The following NPHP4 variants were observed in gnomAD, a reference collection of about 807,000 sequenced individuals.
NPHP4 encodes the protein nephrocystin 4.
NPHP4 carries 151 observed loss-of-function variants against 155.8 expected under a neutral mutation model. That is an observed-to-expected ratio of 0.97 (90% confidence interval 0.85 to 1.11). The LOEUF (loss-of-function observed/expected upper bound fraction) is 1.11, where lower values mean the gene tolerates loss of function less well. NPHP4 is among the 50% of genes least tolerant of loss of function. The pLI, the probability that NPHP4 is intolerant of heterozygous loss-of-function variation, is 0.00. For synonymous variants in NPHP4, 845 were observed against 816.8 expected (o/e 1.03, Z -0.59); for missense variants, 1,956 against 1,925.7 (o/e 1.02, Z -0.29).
chr1:5,961,667 G>A (rs997033369), intron 6 of NPHP4, 127 bp downstream of exon 6: 18 of 809,374 alleles, frequency 2.2e-5, no homozygotes, highest in Middle Eastern at 3.5e-4. Flanking sequence ...CCGCCAGGCC[G>A]TGCTGCTGAG....
intron 18 of NPHP4, 174 bp downstream of exon 18, chr1:5,887,112 A>G: frequency 1.6e-6 from 1 of 631,684 alleles, no homozygotes; most frequent in Non-Finnish European, 2.8e-6. Flanking sequence ...AACTGGGTCC[A>G]GGACAGACTC....
In NPHP4 at chr1:5,887,668, T is replaced by C. The variant is rs1643894446; in HGVS notation, c.2305-202A>G. 3.9e-5 allele frequency among the ~76,000 whole-genome samples: 6 copies of C among 152,302 alleles called. No individual in the cohort carries two copies. The South Asian group carries it at 1.2e-3, about 32-fold the overall frequency. On this transcript the variant is annotated intron_variant, in intron 17 of 29. Coordinates refer to ENST00000378156, the MANE Select transcript of NPHP4 (RefSeq NM_015102.5). ...CAACGTCTTAAAGCAGGACTCCTTA[T>C]TACTGGGGTCTTTTTCACAAAGTCT...
Position 5,961,915 on chromosome 1 carries a change from G to A in NPHP4, c.552C>T (p.Ser184=). ...GGTGTGGCTTCAGCGTGTACTGCAGGCTGCAGTTCTCAATGAGGGTCATGT... is the reference window on the plus strand; with the variant it reads ...GGTGTGGCTTCAGCGTGTACTGCAGACTGCAGTTCTCAATGAGGGTCATGT... The part of the protein sequence containing the change: ...NRHMTLIENC[S]LQYTLKPHPA... The change falls in exon 6 of 30, where the codon AGC becomes AGT. Residue 184 remains serine (S), a synonymous_variant. Coordinates refer to ENST00000378156, the MANE Select transcript of NPHP4 (RefSeq NM_015102.5). 2 of 1,609,550 alleles carry A rather than the reference G, an allele frequency of 1.2e-6. No homozygotes were observed. The highest frequency in any genetic ancestry group is 2.2e-5 in the South Asian group (2 of 90,980).
intron 23 of NPHP4, among the ~76,000 whole-genome samples, chr1:5,870,497 C>G (rs967252594): frequency 6.6e-6 from 1 of 152,130 alleles, no homozygotes; most frequent in Non-Finnish European, 1.5e-5. Flanking sequence ...CCAACCAACT[C>G]GGGCCAGGTC....
chr1:5,939,138 G>A (rs771585489), intron 9 of NPHP4, among the ~76,000 whole-genome samples: 1 of 152,080 alleles, frequency 6.6e-6, no homozygotes, highest in South Asian at 2.1e-4. Context: ...AGTATTCTCG[G>A]GGCAAACTGG....
Position 5,907,234 on chromosome 1 carries a change from G to A in NPHP4, c.1504-12C>T, listed in dbSNP as rs753092403. The A allele has an allele frequency of 6.5e-7, 1 of 1,539,094 alleles. No individual in the cohort carries two copies. The highest frequency in any genetic ancestry group is 1.4e-5 in the African/African-American group (1 of 73,244). On this transcript the variant is annotated splice_polypyrimidine_tract_variant and intron_variant, in intron 12 of 29. Transcript: ENST00000378156. ...TGGGAAATTGACAACTGGAAGGAAA[G>A]AGAGCACAGGTGAGGGGCTCAGAAG...
chr1:5,952,973 C>A, intron 6 of NPHP4, 137 bp from the exon 7 acceptor site: 1 of 703,184 alleles, frequency 1.4e-6, no homozygotes, highest in South Asian at 2.0e-5. Flanking sequence ...AGACAGAGCA[C>A]AAGGCCCAAG....
At chr1:5,900,978 T>C (rs2101066474) in intron 16 of NPHP4, among the ~76,000 whole-genome samples, 2 of 152,096 alleles carry the variant, frequency 1.3e-5, no homozygotes, top group East Asian at 3.9e-4. Flanking sequence ...GAGGCTGCCA[T>C]GAGCCATAAT....
chr1:5,904,975 C>T (rs1045911871), intron 15 of NPHP4, among the ~76,000 whole-genome samples, 171 bp from the exon 16 acceptor site: 1 of 152,208 alleles, frequency 6.6e-6, no homozygotes, highest in Non-Finnish European at 1.5e-5. Context: ...GCAAGCCGGC[C>T]AGACAGCAGC....
At chr1:5,878,738 C>G (rs1642881421) in intron 19 of NPHP4, among the ~76,000 whole-genome samples, 2 of 152,212 alleles carry the variant, frequency 1.3e-5, no homozygotes, top group Admixed American at 1.3e-4. Flanking sequence ...GGTTCCTGCT[C>G]CCTGACAGCT....
intron 18 of NPHP4, chr1:5,880,640 T>C (rs1167140284): frequency 8.6e-6 from 2 of 231,416 alleles, no homozygotes; most frequent in East Asian, 1.1e-4. Flanking sequence ...CACGTGCAAA[T>C]GTCTGGCTCC....
At chr1:5,930,227 A>G (rs900425622) in intron 10 of NPHP4, among the ~76,000 whole-genome samples, 1 of 152,148 alleles carries the variant, frequency 6.6e-6, no homozygotes, top group Non-Finnish European at 1.5e-5. Flanking sequence ...TTTTACTGAT[A>G]TTTTCAAACA....
intron 9 of NPHP4, among the ~76,000 whole-genome samples, chr1:5,936,674 T>C (rs778663322): frequency 6.6e-6 from 1 of 152,236 alleles, no homozygotes; most frequent in Non-Finnish European, 1.5e-5. Flanking sequence ...TCAGGTTTTG[T>C]TGTGGAACAG....
intron 9 of NPHP4, 126 bp downstream of exon 9, chr1:5,946,977 AT>A (rs927630974): frequency 2.9e-6 from 3 of 1,019,986 alleles, no homozygotes; most frequent in Non-Finnish European, 4.5e-6. Context: ...CAGTAAAGTG[AT>A]TTTTACTTAT....
At chr1:5,902,009 T>A (rs769431078) in intron 16 of NPHP4, among the ~76,000 whole-genome samples, 1 of 152,148 alleles carries the variant, frequency 6.6e-6, no homozygotes, top group Non-Finnish European at 1.5e-5. Flanking sequence ...TGAAGGCCAG[T>A]GAGTTGAGAA....
intron 18 of NPHP4, 146 bp from the exon 19 acceptor site, chr1:5,880,385 G>A (rs1473325836): frequency 1.7e-5 from 13 of 765,752 alleles, no homozygotes; most frequent in Non-Finnish European, 2.5e-5. Flanking sequence ...TGTTTTGAAT[G>A]TTTTGCAATT....
At chr1:5,873,221 G>A (rs781049421) in intron 23 of NPHP4, 31 bp downstream of exon 23, 22 of 1,573,008 alleles carry the variant, frequency 1.4e-5, no homozygotes, top group East Asian at 1.1e-4. Flanking sequence ...AGGAAGCCCC[G>A]AGATCAGTTT....
chr1:5,955,280 G>A (rs931440199), intron 6 of NPHP4, among the ~76,000 whole-genome samples: 2 of 152,208 alleles, frequency 1.3e-5, no homozygotes, highest in African/African-American at 2.4e-5. Flanking sequence ...TACAATACGG[G>A]TGGGACTGCA....
chr1:5,964,538 G>A (rs1650982695), intron 5 of NPHP4, among the ~76,000 whole-genome samples: 1 of 152,166 alleles, frequency 6.6e-6, no homozygotes, highest in Admixed American at 6.5e-5. Flanking sequence ...CATGCCTGGA[G>A]AAGCATGTTA....
Sources: allele counts gnomAD v4.1 joint callset (sites outside exome capture counted in the v4.1 genomes callset), GRCh38; gene constraint gnomAD v4.1.1; transcripts MANE v1.5; gene names NCBI Gene and HGNC (gene_info 2026-07-23, HGNC 2026-07-21).